NKTR: variants seen among roughly 807,000 people sequenced by gnomAD.
NKTR encodes natural killer cell triggering receptor.
A neutral mutation model predicts 156.3 loss-of-function variants in NKTR; 67 were observed. The ratio of observed to expected loss-of-function variants is 0.43; its 90% CI spans 0.35 to 0.53. The LOEUF is 0.53. Among genes scored for constraint, NKTR ranks in the 20% least tolerant of loss-of-function variants. NKTR has a pLI of 0.01. For synonymous variants in NKTR, 640 were observed against 596.6 expected (o/e 1.07, Z -1.06); for missense variants, 1,604 against 1,730.9 (o/e 0.93, Z 1.30).
chr3:42,648,666 A>C lies in NKTR; in HGVS notation c.*2691A>C, dbSNP rs1314020285. On this transcript the variant is annotated 3_prime_UTR_variant, in exon 17 of 17. Transcript: ENST00000232978. ...CATATTAGCAATGTCTAATTTGTAT[A>C]CACTTCAGTTAAATTTCCCTAAAAC... is the stretch of plus-strand genomic sequence containing the variant. 6.5e-6 allele frequency: 1 copy of C among 152,694 alleles called. No homozygotes were observed. The highest frequency in any genetic ancestry group is 1.5e-5 in the Non-Finnish European group (1 of 68,050). The allele number at this position is 152,694 out of a possible 1,614,324, so 9.5% of individuals were successfully genotyped here.
In NKTR at chr3:42,635,036, C is replaced by T. The variant is rs576885428; in HGVS notation, c.1018-185C>T. The T allele has an allele frequency of 9.3e-6, 4 of 428,944 alleles. No homozygotes were observed. In the South Asian group the frequency reaches 2.4e-4, roughly 25 times the overall value. 26.6% of individuals were successfully genotyped at this position (428,944 alleles called of 1,614,324 possible). A position where few individuals can be genotyped will look rare whatever the true frequency, so the allele number is the denominator to read the frequency against. On this transcript the variant is annotated intron_variant, in intron 11 of 16. Transcript: ENST00000232978. ...CTTGTTTGAAATAACTTCACCTGAA[C>T]CTAAAATAAAAGTTAAAAACTAAAA... is the stretch of plus-strand genomic sequence containing the variant.
chr3:42,603,360 TAAAAAAAAAA>T (rs376932471), intron 2 of NKTR, among the ~76,000 whole-genome samples: 1,471 of 92,754 alleles, frequency 0.016, 47 homozygotes, highest in East Asian at 0.15. Context: ...ATCTTGTTTC[TAAAAAAAAAA>T]AAAAAAAAAA....
intron 2 of NKTR, among the ~76,000 whole-genome samples, chr3:42,606,005 A>G (rs1706196509): frequency 6.6e-6 from 1 of 152,170 alleles, no homozygotes; most frequent in Admixed American, 6.6e-5. Flanking sequence ...CAGGTGGGGA[A>G]GAGTGGCGTG....
chr3:42,608,336 T>C (rs567168590), intron 2 of NKTR, among the ~76,000 whole-genome samples: 29 of 152,216 alleles, frequency 1.9e-4, no homozygotes, highest in African/African-American at 7.0e-4. Context: ...CCTGCTCAGC[T>C]TCAGTAATTT....
Position 42,648,243 on chromosome 3 carries a change from TCTC to T in NKTR, c.*2269_*2271del, listed in dbSNP as rs1710476660. The T allele has an allele frequency of 6.6e-6, 1 of 152,198 alleles. No individual in the cohort carries two copies. The highest frequency in any genetic ancestry group is 1.5e-5 in the Non-Finnish European group (1 of 68,032). The allele number at this position is 152,198 out of a possible 1,614,324, so 9.4% of individuals were successfully genotyped here. ...ACATAATTGCAGGAGTACTGTCTCA[TCTC>T]ATCATATTCACGGGTTCTGGAGATT... is the stretch of plus-strand genomic sequence containing the variant. On this transcript the variant is annotated 3_prime_UTR_variant, in exon 17 of 17. Coordinates refer to ENST00000232978, the MANE Select transcript of NKTR (RefSeq NM_005385.4).
In NKTR at chr3:42,646,734, A is replaced by G. The variant is rs1248375710; in HGVS notation, c.*759A>G. The G allele has an allele frequency of 6.5e-6, 1 of 152,686 alleles. No individual in the cohort carries two copies. The highest frequency in any genetic ancestry group is 1.5e-5 in the Non-Finnish European group (1 of 68,044). The allele number at this position is 152,686 out of a possible 1,614,324, so 9.5% of individuals were successfully genotyped here. A position where few individuals can be genotyped will look rare whatever the true frequency, so the allele number is the denominator to read the frequency against. ...TCTACTTCATGCTTTGGTGCTTGGTAATTTTTGGTGCGTCTTTAAGCATTA... is the reference window on the plus strand; with the variant it reads ...TCTACTTCATGCTTTGGTGCTTGGTGATTTTTGGTGCGTCTTTAAGCATTA... On this transcript the variant is annotated 3_prime_UTR_variant, in exon 17 of 17. Coordinates refer to ENST00000232978, the MANE Select transcript of NKTR (RefSeq NM_005385.4).
At chr3:42,603,175 G>C (rs1705751537) in intron 2 of NKTR, 1 of 151,442 alleles carries the variant, frequency 6.6e-6, no homozygotes. Flanking sequence ...AGACCAGCCT[G>C]GGCAATATAG....
At position 42,628,522 on chromosome 3, in the gene NKTR, T is replaced by C; in HGVS notation, c.375-2024T>C. The C allele has an allele frequency of 3.0e-6, 3 of 985,396 alleles. No homozygotes were observed. In the South Asian group the frequency reaches 1.4e-4, roughly 46 times the overall value. The allele number at this position is 985,396 out of a possible 1,614,324, so 61.0% of individuals were successfully genotyped here. A position where few individuals can be genotyped will look rare whatever the true frequency, so the allele number is the denominator to read the frequency against. On this transcript the variant is annotated intron_variant, in intron 6 of 16. Coordinates refer to ENST00000232978, the MANE Select transcript of NKTR (RefSeq NM_005385.4). ...CCTTTCTATCAGCCAAGATGGCAAA[T>C]TGAATTGGGCTCTTTATGTTTTAAG...
rs371407282 is a variant in NKTR, at chr3:42,647,664, G to C, written c.*1689G>C. The C allele has an allele frequency of 1.4e-4, 22 of 152,200 alleles. No individual in the cohort carries two copies. The Middle Eastern group carries it at 0.01, about 71-fold the overall frequency. The allele number at this position is 152,200 out of a possible 1,614,324, so 9.4% of individuals were successfully genotyped here. A position where few individuals can be genotyped will look rare whatever the true frequency, so the allele number is the denominator to read the frequency against. On this transcript the variant is annotated 3_prime_UTR_variant, in exon 17 of 17. Coordinates refer to ENST00000232978, the MANE Select transcript of NKTR (RefSeq NM_005385.4). Reference sequence around the variant, plus strand: ...CTGGATACTGAATACAAAACAGTATGATTTATATTAAAGGTTTCCAAAGGT... The same window carrying C: ...CTGGATACTGAATACAAAACAGTATCATTTATATTAAAGGTTTCCAAAGGT...
intron 6 of NKTR, chr3:42,628,647 TC>T: frequency 1.0e-6 from 1 of 985,370 alleles, no homozygotes; most frequent in Non-Finnish European, 1.2e-6. Context: ...AAACCATACA[TC>T]GTTTTTACTT....
Position 42,647,449 on chromosome 3 carries a change from G to T in NKTR, c.*1474G>T, listed in dbSNP as rs1710426857. On this transcript the variant is annotated 3_prime_UTR_variant, in exon 17 of 17. Transcript: ENST00000232978. ...CACCCTACCACAGGCCTTGTCTGGTGTATTTGGGAAGTGGAAAAGAGCCCT... is the reference window on the plus strand; with the variant it reads ...CACCCTACCACAGGCCTTGTCTGGTTTATTTGGGAAGTGGAAAAGAGCCCT... 1.3e-5 allele frequency: 2 copies of T among 152,044 alleles called. No homozygotes were observed. The highest frequency in any genetic ancestry group is 2.4e-5 in the African/African-American group (1 of 41,402). 9.4% of individuals were successfully genotyped at this position (152,044 alleles called of 1,614,324 possible).
At position 42,638,278 on chromosome 3, in the gene NKTR, A is replaced by G. The variant is rs774844030; in HGVS notation, c.2574A>G (p.Lys858=). 3 of 1,606,750 alleles carry G rather than the reference A, an allele frequency of 1.9e-6. No individual in the cohort carries two copies. The highest frequency in any genetic ancestry group is 2.5e-6 in the Non-Finnish European group (3 of 1,178,242). The change falls in exon 13 of 17, where the codon AAA becomes AAG. Residue 858 remains lysine, a synonymous_variant. Coordinates refer to ENST00000232978, the MANE Select transcript of NKTR (RefSeq NM_005385.4). ...KSERECPHSK[K]RTLKENLSDH... ...AACGGGAATGCCCTCATTCAAAAAA[A>G]AGAACTTTGAAAGAGAATCTTTCTG...
At chr3:42,605,384 A>C (rs1354175046) in intron 2 of NKTR, among the ~76,000 whole-genome samples, 1 of 152,240 alleles carries the variant, frequency 6.6e-6, no homozygotes, top group Admixed American at 6.5e-5. Context: ...GATTCATAAA[A>C]ACAGACTGGA....
At chr3:42,621,378 T>G (rs1707888158) in intron 5 of NKTR, 51 bp from the exon 6 acceptor site, 1 of 1,578,184 alleles carries the variant, frequency 6.3e-7, no homozygotes, top group Admixed American at 1.9e-5. Context: ...GAACATTACT[T>G]TAAAGTGACT....
At position 42,638,496 on chromosome 3, in the gene NKTR, C is replaced by A. The variant is rs1274603542; in HGVS notation, c.2792C>A (p.Pro931His). 6.2e-7 allele frequency: 1 copy of A among 1,611,464 alleles called. No homozygotes were observed. Among genetic ancestry groups the A allele is most frequent in the Admixed American group, 1.7e-5 (1 of 59,460 alleles). Residue 931 changes from proline (P) to histidine (H), a missense_variant, in exon 13 of 17, where the codon CCC (proline) becomes CAC (histidine). By Grantham distance (77) the Pro-to-His change is moderately conservative. This residue lies in a region of NKTR where 1,255 missense variants were observed against 1,243.7 expected (regional missense o/e 1.01). Transcript: ENST00000232978. Reference sequence around the variant, plus strand: ...AGTGAAATTCACATCAAAGTCAAACCCACAACCAAGTCGTCCACAAATACT... The same window carrying A: ...AGTGAAATTCACATCAAAGTCAAACACACAACCAAGTCGTCCACAAATACT... ...EVSEIHIKVK[P>H]TTKSSTNTSL...
intron 2 of NKTR, among the ~76,000 whole-genome samples, chr3:42,617,198 T>C (rs771570443): frequency 6.6e-6 from 1 of 152,190 alleles, no homozygotes; most frequent in Admixed American, 6.5e-5. Context: ...TTTGATGTAC[T>C]CTCATCACTG....
intron 6 of NKTR, chr3:42,628,964 C>A: frequency 2.5e-6 from 1 of 406,520 alleles, no homozygotes; most frequent in Non-Finnish European, 3.3e-6. Flanking sequence ...ATCATGCCAT[C>A]GCACTCTAGC....
intron 5 of NKTR, chr3:42,620,138 G>A: frequency 2.1e-6 from 3 of 1,447,436 alleles, no homozygotes; most frequent in Non-Finnish European, 2.7e-6. Context: ...GTTGTGGCTG[G>A]ATTTCTATAT....
chr3:42,645,412 C>T (rs1158854120), intron 16 of NKTR, among the ~76,000 whole-genome samples: 3 of 152,098 alleles, frequency 2.0e-5, no homozygotes, highest in Non-Finnish European at 2.9e-5. Flanking sequence ...GAGTCGGGCA[C>T]GGTGGCTCAC....
Sources: gnomAD v4.1 joint callset for allele counts (sites outside exome capture counted in the v4.1 genomes callset) on GRCh38, gnomAD v4.1.1 for gene constraint, gnomAD v4.1.1 regional missense constraint, MANE v1.5 for transcripts, NCBI Gene and HGNC (gene_info 2026-07-23, HGNC 2026-07-21) for gene names.